The following DLC1 variants were observed in gnomAD, a reference collection of about 807,000 sequenced individuals.
DLC1 encodes rho GTPase-activating protein 7.
In DLC1, 54 loss-of-function variants were observed where a neutral mutation model predicts 140.3. The observed-to-expected ratio is 0.38, with a 90% CI of 0.31 to 0.48. The LOEUF is 0.48. DLC1 is among the 20% of genes least tolerant of loss of function. DLC1 has a pLI of 0.96. For synonymous variants in DLC1, 986 were observed against 728.1 expected, an observed-to-expected ratio of 1.35 and a Z score of -5.70; for missense variants, 2,536 against 1,907.0, an observed-to-expected ratio of 1.33 and a Z score of -6.14.
At chr8:13,353,806 G>A (rs1274042145) in intron 4 of DLC1, among the ~76,000 whole-genome samples, 2 of 151,708 alleles carry the variant, frequency 1.3e-5, no homozygotes, top group African/African-American at 2.4e-5. Flanking sequence ...GCAGTGAGCT[G>A]AGATTGTGCC....
intron 1 of DLC1, among the ~76,000 whole-genome samples, chr8:13,555,840 G>A (rs1159865995): frequency 1.3e-5 from 2 of 151,816 alleles, no homozygotes; most frequent in Non-Finnish European, 2.9e-5. Context: ...AGGACTCAAT[G>A]ATAGTAAGTT....
intron 2 of DLC1, among the ~76,000 whole-genome samples, chr8:13,416,796 T>C (rs181123636): frequency 6.6e-6 from 1 of 152,172 alleles, no homozygotes; most frequent in African/African-American, 2.4e-5. Context: ...TGGTTTGACA[T>C]TTTTTGGCTG....
Position 13,249,324 on chromosome 8 carries a change from C to T in DLC1, c.1348+55945G>A, listed in dbSNP as rs183386085. 4.5e-3 allele frequency among the ~76,000 whole-genome samples: 679 copies of T among 152,244 alleles called. 4 individuals carry two copies. Among genetic ancestry groups the T allele is most frequent in the African/African-American group, 0.016 (656 of 41,548 alleles). Reference sequence around the variant, plus strand: ...AACTCTTGACTTCAGGCAATCCACCCGCCTCAGCCTCTCAAAGTGCTGGGA... The same window carrying T: ...AACTCTTGACTTCAGGCAATCCACCTGCCTCAGCCTCTCAAAGTGCTGGGA... On this transcript the variant is annotated intron_variant, in intron 5 of 17. Coordinates refer to ENST00000276297, the MANE Select transcript of DLC1 (RefSeq NM_182643.3).
intron 2 of DLC1, among the ~76,000 whole-genome samples, chr8:13,419,546 C>T (rs289598): frequency 0.027 from 4,168 of 152,234 alleles, 198 homozygotes; most frequent in African/African-American, 0.094. Flanking sequence ...AACCACCTGG[C>T]ATCCCAGGGA....
At chr8:13,253,988 CTT>C (rs1830111918) in intron 5 of DLC1, among the ~76,000 whole-genome samples, 2 of 152,122 alleles carry the variant, frequency 1.3e-5, no homozygotes, top group Non-Finnish European at 2.9e-5. Flanking sequence ...AATGTGGTCT[CTT>C]TTAATTGGCA....
chr8:13,117,022 C>A (rs992517997), intron 5 of DLC1, among the ~76,000 whole-genome samples: 3 of 152,112 alleles, frequency 2.0e-5, no homozygotes, highest in Non-Finnish European at 4.4e-5. Flanking sequence ...TGTCCAAAGT[C>A]AATTATTTGA....
At chr8:13,404,932 G>A (rs1837456629) in intron 2 of DLC1, among the ~76,000 whole-genome samples, 1 of 152,040 alleles carries the variant, frequency 6.6e-6, no homozygotes, top group African/African-American at 2.4e-5. Flanking sequence ...GCTTGAACCT[G>A]GGAGGCAGAG....
intron 4 of DLC1, among the ~76,000 whole-genome samples, chr8:13,353,129 C>T (rs1413193510): frequency 3.3e-5 from 5 of 152,154 alleles, no homozygotes; most frequent in Non-Finnish European, 7.3e-5. Flanking sequence ...GGTGGCTATA[C>T]GTGGCTTTCC....
rs1428317903 is a variant in DLC1 at position 13,221,984 on chromosome 8, TATATA to T, written c.1348+83280_1348+83284del. Among the ~76,000 whole-genome samples the T allele has an allele frequency of 3.1e-3, 446 of 145,454 alleles. 8 individuals are homozygous for T. Among genetic ancestry groups the T allele is most frequent in the East Asian group, 7.8e-4 (4 of 5,108 alleles). ...ATAACATATATAATTAATTATATAT[TATATA>T]ATATATAATATTATAAACCATTGCC... On this transcript the variant is annotated intron_variant, in intron 5 of 17. Transcript: ENST00000276297.
chr8:13,300,378 A>G (rs375777224), intron 5 of DLC1, among the ~76,000 whole-genome samples: 3 of 152,300 alleles, frequency 2.0e-5, no homozygotes, highest in African/African-American at 7.2e-5. Flanking sequence ...AACCACCATG[A>G]CACACGTTTA....
intron 1 of DLC1, among the ~76,000 whole-genome samples, chr8:13,530,977 G>T (rs1454648555): frequency 6.6e-6 from 1 of 152,124 alleles, no homozygotes; most frequent in Non-Finnish European, 1.5e-5. Flanking sequence ...TGATGCATTT[G>T]GGAGACAATT....
intron 4 of DLC1, among the ~76,000 whole-genome samples, chr8:13,325,283 A>G (rs1833291338): frequency 6.6e-6 from 1 of 152,254 alleles, no homozygotes; most frequent in African/African-American, 2.4e-5. Flanking sequence ...TTTTCAGAAC[A>G]GAGCCAGTCC....
chr8:13,241,072 T>A (rs1829525659), intron 5 of DLC1, among the ~76,000 whole-genome samples: 1 of 152,208 alleles, frequency 6.6e-6, no homozygotes, highest in Non-Finnish European at 1.5e-5. Flanking sequence ...TGAGCTTTGC[T>A]GCAGTCACAT....
At chr8:13,158,738 C>A (rs796317981) in intron 5 of DLC1, among the ~76,000 whole-genome samples, 3 of 90,286 alleles carry the variant, frequency 3.3e-5, no homozygotes, top group African/African-American at 4.8e-5. Flanking sequence ...CACCCTCCCC[C>A]CCCCCCCCCG....
At chr8:13,460,397 T>A (rs1021441414) in intron 2 of DLC1, among the ~76,000 whole-genome samples, 4 of 152,244 alleles carry the variant, frequency 2.6e-5, no homozygotes, top group African/African-American at 9.6e-5. Flanking sequence ...GTAAGCTCAC[T>A]GCACGTGTTC....
intron 5 of DLC1, among the ~76,000 whole-genome samples, chr8:13,153,495 C>G (rs188393757): frequency 6.6e-6 from 1 of 152,192 alleles, no homozygotes; most frequent in Non-Finnish European, 1.5e-5. Context: ...GTGTGGAAAA[C>G]GACCCAAACA....
intron 1 of DLC1, among the ~76,000 whole-genome samples, chr8:13,513,371 A>G (rs912199452): frequency 4.6e-5 from 7 of 152,132 alleles, no homozygotes; most frequent in African/African-American, 1.7e-4. Flanking sequence ...TTTAACACAA[A>G]TTGTCAGTGA....
At position 13,393,999 on chromosome 8, in the gene DLC1, G is replaced by A. The variant is rs1836895989; in HGVS notation, c.1174-306C>T. ...CTAGGGCCCTGCAGAGAAGTTAGAA[G>A]GCAGAAGCCCACAGCCACACCTTCC... On this transcript the variant is annotated intron_variant, in intron 3 of 17. Coordinates refer to ENST00000276297, the MANE Select transcript of DLC1 (RefSeq NM_182643.3). 2.0e-5 allele frequency among the ~76,000 whole-genome samples: 3 copies of A among 147,906 alleles called. No individual in the cohort carries two copies. The South Asian group carries it at 6.4e-4, about 32-fold the overall frequency.
intron 5 of DLC1, among the ~76,000 whole-genome samples, chr8:13,191,513 C>G (rs750445968): frequency 6.6e-6 from 1 of 152,092 alleles, no homozygotes; most frequent in Non-Finnish European, 1.5e-5. Context: ...AACAACAAAC[C>G]CTTAACGACC....
Sources: allele counts gnomAD v4.1 joint callset (sites outside exome capture counted in the v4.1 genomes callset), GRCh38; gene constraint gnomAD v4.1.1; transcripts MANE v1.5; gene names NCBI Gene and HGNC (gene_info 2026-07-23, HGNC 2026-07-21).